IPMK: variants seen among roughly 807,000 people sequenced by gnomAD.
IPMK encodes the protein inositol polyphosphate multikinase.
In IPMK, 17 loss-of-function variants were observed where a neutral mutation model predicts 45.8. That is an observed-to-expected ratio of 0.37 (90% CI 0.25 to 0.56). IPMK has a LOEUF of 0.56. IPMK is among the 20% of genes least tolerant of loss of function. IPMK has a pLI of 0.79. For synonymous variants in IPMK, 180 were observed against 184.3 expected, an observed-to-expected ratio of 0.98 and a Z score of 0.19; for missense variants, 399 against 498.0, an observed-to-expected ratio of 0.80 and a Z score of 1.89.
At chr10:58,236,858 T>G (rs930898784) in intron 2 of IPMK, among the ~76,000 whole-genome samples, 1 of 152,096 alleles carries the variant, frequency 6.6e-6, no homozygotes, top group Non-Finnish European at 1.5e-5. Context: ...TCACTTGAGC[T>G]TAAGTGTTTA....
intron 1 of IPMK, among the ~76,000 whole-genome samples, chr10:58,252,792 AG>A (rs1158673195): frequency 6.6e-6 from 1 of 151,794 alleles, no homozygotes. Flanking sequence ...TTGTATTTTT[AG>A]TAGAGATGGG....
chr10:58,237,677 A>AG, intron 2 of IPMK, 52 bp downstream of exon 2: 1 of 1,351,730 alleles, frequency 7.4e-7, no homozygotes, highest in Non-Finnish European at 1.1e-6. Flanking sequence ...TCACCACCAG[A>AG]AAACTCTGAA....
At chr10:58,215,385 A>ATTTT (rs57335566) in intron 4 of IPMK, among the ~76,000 whole-genome samples, 1,494 of 143,928 alleles carry the variant, frequency 0.01, 34 homozygotes, top group African/African-American at 0.034. Flanking sequence ...ACAATTACCT[A>ATTTT]TTTTTTTTTT....
At chr10:58,235,175 T>C (rs1050899003) in intron 2 of IPMK, among the ~76,000 whole-genome samples, 2 of 152,144 alleles carry the variant, frequency 1.3e-5, no homozygotes, top group African/African-American at 2.4e-5. Context: ...CAACAGATGC[T>C]GGAGAGGATG....
At chr10:58,209,922 C>T (rs1180531624) in intron 4 of IPMK, among the ~76,000 whole-genome samples, 1 of 152,192 alleles carries the variant, frequency 6.6e-6, no homozygotes, top group Non-Finnish European at 1.5e-5. Flanking sequence ...GCAGTATTGG[C>T]AGTAGGATCT....
chr10:58,217,402 G>C (rs190404666), intron 3 of IPMK, among the ~76,000 whole-genome samples: 1 of 151,478 alleles, frequency 6.6e-6, no homozygotes, highest in Non-Finnish European at 1.5e-5. Context: ...TTAAAGAACC[G>C]TCTCGGCCAG....
chr10:58,199,088 G>T, intron 5 of IPMK, 152 bp downstream of exon 5: 1 of 529,872 alleles, frequency 1.9e-6, no homozygotes. Flanking sequence ...AGGGCTTATG[G>T]TTAATCCAAT....
intron 2 of IPMK, among the ~76,000 whole-genome samples, chr10:58,236,290 C>T (rs145295076): frequency 1.3e-4 from 20 of 152,140 alleles, no homozygotes; most frequent in African/African-American, 4.8e-4. Flanking sequence ...GGCTCCTGGA[C>T]ACATTTATGA....
At chr10:58,209,693 T>C (rs1267581468) in intron 4 of IPMK, among the ~76,000 whole-genome samples, 2 of 152,048 alleles carry the variant, frequency 1.3e-5, no homozygotes, top group Admixed American at 6.6e-5. Context: ...TCATCGTAGG[T>C]AGGTTTAGTG....
chr10:58,248,628 T>TA (rs1365929083), intron 1 of IPMK, among the ~76,000 whole-genome samples: 4 of 151,386 alleles, frequency 2.6e-5, no homozygotes, highest in Admixed American at 2.6e-4. Context: ...ATCGTGCTAT[T>TA]AAACACTAGA....
chr10:58,195,884 G>C lies in IPMK; in HGVS notation c.*192C>G. On this transcript the variant is annotated 3_prime_UTR_variant, in exon 6 of 6. Transcript: ENST00000373935. ...TTCCTAAGTTTCTTTATTCTTCATA[G>C]TTTTCTAATGAACAAATAGTTAGTT... is the stretch of plus-strand genomic sequence containing the variant. 1.8e-6 allele frequency: 1 copy of C among 565,550 alleles called. No individual in the cohort carries two copies. Among genetic ancestry groups the C allele is most frequent in the Non-Finnish European group, 3.0e-6 (1 of 329,508 alleles). The allele number at this position is 565,550 out of a possible 1,614,324, so 35.0% of individuals were successfully genotyped here. A position where few individuals can be genotyped will look rare whatever the true frequency, so the allele number is the denominator to read the frequency against.
intron 1 of IPMK, among the ~76,000 whole-genome samples, chr10:58,244,612 GT>G (rs1319583067): frequency 6.7e-6 from 1 of 149,366 alleles, no homozygotes; most frequent in African/African-American, 2.4e-5. Context: ...AGGGGGAAAT[GT>G]GGGGAAAAGA....
intron 1 of IPMK, among the ~76,000 whole-genome samples, chr10:58,249,528 A>G (rs9415552): frequency 0.34 from 51,145 of 151,742 alleles, 10,778 homozygotes; most frequent in African/African-American, 0.61. Context: ...AGAGATATCT[A>G]TTCAGATTCT....
At chr10:58,198,093 C>A (rs1837936268) in intron 5 of IPMK, among the ~76,000 whole-genome samples, 1 of 152,158 alleles carries the variant, frequency 6.6e-6, no homozygotes. Flanking sequence ...TTAGAGCTAA[C>A]TAAAACCTAG....
chr10:58,247,605 T>G (rs1838821178), intron 1 of IPMK, among the ~76,000 whole-genome samples: 1 of 131,044 alleles, frequency 7.6e-6, no homozygotes, highest in Admixed American at 6.9e-5. Flanking sequence ...AACTGAACAA[T>G]GAGAACACAT....
rs1409038750 is a variant in IPMK, at chr10:58,244,007, G to A, written c.191-6193C>T. Among the ~76,000 whole-genome samples, 9 of 148,056 alleles carry A rather than the reference G, an allele frequency of 6.1e-5. No individual in the cohort carries two copies. In the East Asian group the frequency reaches 6.3e-4, roughly 10 times the overall value. The stretch of plus-strand genomic sequence containing the variant: ...CCGCCCCGTCTGGGAGGGGAAGGGC[G>A]TCTCTGCCCGGCTGCCCCGCCTGGG... On this transcript the variant is annotated intron_variant, in intron 1 of 5. Coordinates refer to ENST00000373935, the MANE Select transcript of IPMK (RefSeq NM_152230.5).
chr10:58,196,251 A>T lies in IPMK; in HGVS notation c.1076T>A (p.Leu359His). 1 of 1,614,198 alleles carries T rather than the reference A, an allele frequency of 6.2e-7. No individual in the cohort carries two copies. Among genetic ancestry groups the T allele is most frequent in the Admixed American group, 1.7e-5 (1 of 60,028 alleles). The change falls in exon 6 of 6, where the codon CTT (leucine) becomes CAT (histidine). Residue 359 changes from leucine (L) to histidine (H), a missense_variant. By Grantham distance (99) the Leu-to-His change is moderately conservative. This residue lies in a region of IPMK where 288 missense variants were observed against 398.0 expected (regional missense o/e 0.72). Coordinates refer to ENST00000373935, the MANE Select transcript of IPMK (RefSeq NM_152230.5). Reference protein sequence around the residue: ...MSQEHLNGNVLSQLEKVFYHL... With the variant: ...MSQEHLNGNVHSQLEKVFYHL... The stretch of plus-strand genomic sequence containing the variant: ...GTAGAAAACTTTTTCCAGTTGGGAA[A>T]GTACATTTCCATTTAAATGTTCCTG...
At chr10:58,214,082 A>C (rs190438287) in intron 4 of IPMK, among the ~76,000 whole-genome samples, 2 of 152,342 alleles carry the variant, frequency 1.3e-5, no homozygotes, top group African/African-American at 4.8e-5. Context: ...AAAAAACTTG[A>C]CAGTGATTTG....
At chr10:58,209,244 G>A (rs2132148145) in intron 4 of IPMK, among the ~76,000 whole-genome samples, 1 of 152,222 alleles carries the variant, frequency 6.6e-6, no homozygotes, top group Middle Eastern at 3.4e-3. Context: ...GTCTACAGTG[G>A]AGTCCTGGGG....
Sources: allele counts gnomAD v4.1 joint callset (sites outside exome capture counted in the v4.1 genomes callset), GRCh38; gene constraint gnomAD v4.1.1; regional missense constraint gnomAD v4.1.1; transcripts MANE v1.5; gene names NCBI Gene and HGNC (gene_info 2026-07-23, HGNC 2026-07-21).